The following YEATS2 variants were observed in gnomAD, a reference collection of about 807,000 sequenced individuals.
The protein encoded by YEATS2 is YEATS domain containing 2.
In YEATS2, 77 loss-of-function variants were observed where a neutral mutation model predicts 163.2. The observed-to-expected ratio is 0.47, with a 90% confidence interval of 0.39 to 0.57. The LOEUF (loss-of-function observed/expected upper bound fraction) is 0.57, where lower values mean the gene tolerates loss of function less well. YEATS2 is among the 20% of genes least tolerant of loss of function. The pLI is 0.00. For missense variants in YEATS2, 1,549 were observed against 1,729.8 expected (o/e 0.90, Z 1.85); for synonymous variants, 631 against 645.1 (o/e 0.98, Z 0.33).
chr3:183,772,008 T>C (rs1021980843), intron 15 of YEATS2, among the ~76,000 whole-genome samples: 1 of 152,172 alleles, frequency 6.6e-6, no homozygotes, highest in Admixed American at 6.5e-5. Flanking sequence ...ATTACAGGCA[T>C]GAGCCACCAC....
At chr3:183,768,814 A>T (rs1722170170) in intron 15 of YEATS2, among the ~76,000 whole-genome samples, 1 of 152,178 alleles carries the variant, frequency 6.6e-6, no homozygotes, top group Admixed American at 6.5e-5. Context: ...CTCTACTAAA[A>T]ATACAAAATT....
At chr3:183,795,961 CTT>C (rs1725105982) in intron 21 of YEATS2, among the ~76,000 whole-genome samples, 1 of 144,492 alleles carries the variant, frequency 6.9e-6, no homozygotes, top group African/African-American at 2.5e-5. Flanking sequence ...CTTAAAGTAT[CTT>C]TAGCTCTTGA....
chr3:183,709,301 G>A (rs1448998485), intron 1 of YEATS2, among the ~76,000 whole-genome samples: 1 of 151,974 alleles, frequency 6.6e-6, no homozygotes, highest in Non-Finnish European at 1.5e-5. Context: ...TGTTACTTAT[G>A]GAAAAAATCA....
chr3:183,774,763 G>A lies in YEATS2; in HGVS notation c.2368+969G>A, dbSNP rs866015582. Among the ~76,000 whole-genome samples the A allele has an allele frequency of 2.0e-5, 3 of 152,246 alleles. No individual in the cohort carries two copies. The South Asian group carries it at 6.2e-4, about 31-fold the overall frequency. Reference sequence around the variant, plus strand: ...GGAAGTTAACCGCCCTTGCCAAAATGCAGTGTGTCAGCTCATCATCCTTGC... The same window carrying A: ...GGAAGTTAACCGCCCTTGCCAAAATACAGTGTGTCAGCTCATCATCCTTGC... On this transcript the variant is annotated intron_variant, in intron 17 of 30. Transcript: ENST00000305135.
chr3:183,755,741 C>CTTTTTTTTTTTTTTTTTT (rs57050296), intron 11 of YEATS2, among the ~76,000 whole-genome samples: 11 of 82,204 alleles, frequency 1.3e-4, no homozygotes, highest in African/African-American at 4.8e-4. Context: ...TCCTTCCTTT[C>CTTTTTTTTTTTTTTTTTT]TTTTTTTTTT....
At chr3:183,754,426 C>A (rs1480652002) in intron 11 of YEATS2, 61 bp downstream of exon 11, 3 of 1,532,682 alleles carry the variant, frequency 2.0e-6, no homozygotes, top group East Asian at 2.3e-5. Flanking sequence ...ATTGTTGGAA[C>A]AACAAAACAA....
At position 183,762,215 on chromosome 3, in the gene YEATS2, C is replaced by A. The variant is rs780765883; in HGVS notation, c.1883C>A (p.Pro628His). The change falls in exon 15 of 31, where the codon CCT becomes CAT. Residue 628 changes from proline (P) to histidine (H), a missense_variant. Coordinates refer to ENST00000305135, the MANE Select transcript of YEATS2 (RefSeq NM_018023.5). The part of the protein sequence containing the change: ...VKGGHMIAVS[P>H]QKQVITPGEG... ...GGGGGTCACATGATAGCTGTGTCCC[C>A]TCAAAAACAGGTCATAACTCCTGGA... The A allele has an allele frequency of 1.9e-6, 3 of 1,613,880 alleles. No individual in the cohort carries two copies. The highest frequency in any genetic ancestry group is 1.7e-6 in the Non-Finnish European group (2 of 1,179,906).
At chr3:183,709,647 T>C (rs971518793) in intron 1 of YEATS2, among the ~76,000 whole-genome samples, 11 of 151,474 alleles carry the variant, frequency 7.3e-5, no homozygotes, top group African/African-American at 2.7e-4. Context: ...CATTTACTTT[T>C]TATAATGAGG....
chr3:183,752,851 G>T (rs574955276), intron 10 of YEATS2, among the ~76,000 whole-genome samples: 51 of 151,732 alleles, frequency 3.4e-4, no homozygotes, highest in African/African-American at 1.2e-3. Flanking sequence ...AGGCTGGAGT[G>T]CAGTGGCATG....
At chr3:183,750,107 A>C (rs1157049124) in intron 9 of YEATS2, among the ~76,000 whole-genome samples, 1 of 151,608 alleles carries the variant, frequency 6.6e-6, no homozygotes, top group Non-Finnish European at 1.5e-5. Flanking sequence ...TATAGGCATG[A>C]GCCACCGCGC....
chr3:183,809,149 A>G lies in YEATS2; in HGVS notation c.4139A>G (p.Tyr1380Cys), dbSNP rs763111551. The G allele has an allele frequency of 2.0e-5, 32 of 1,614,044 alleles. No homozygotes were observed. The highest frequency in any genetic ancestry group is 2.6e-5 in the Non-Finnish European group (31 of 1,180,016). ...CTGAGACAGGCTTTGGCAGTTGGAT[A>G]CCAGACAGCTTCTCACAACAGGTAT... ...DILRQALAVG[Y>C]QTASHNRIPK... The change falls in exon 30 of 31, where the codon TAC becomes TGC. Residue 1380 changes from tyrosine (Y) to cysteine (C), a missense_variant. Coordinates refer to ENST00000305135, the MANE Select transcript of YEATS2 (RefSeq NM_018023.5).
chr3:183,806,391 C>T (rs1329957396), intron 27 of YEATS2: 1 of 456,626 alleles, frequency 2.2e-6, no homozygotes. Flanking sequence ...GAGGTCCTCA[C>T]ACTCCTGATT....
intron 2 of YEATS2, among the ~76,000 whole-genome samples, chr3:183,717,431 A>G (rs1010317244): frequency 6.6e-5 from 10 of 152,204 alleles, no homozygotes; most frequent in African/African-American, 2.2e-4. Flanking sequence ...GGAATACCAT[A>G]GAATGGTGTC....
rs1449188215 is a variant in YEATS2 at position 183,739,038 on chromosome 3, A to G, written c.924+2209A>G. On this transcript the variant is annotated intron_variant, in intron 8 of 30. Transcript: ENST00000305135. ...CCACCAACAGTGTAAAAGTGTTCCT[A>G]TTTCTCCACATCCTCTCCAGCACCT... 5.9e-3 allele frequency among the ~76,000 whole-genome samples: 857 copies of G among 144,642 alleles called. 8 individuals carry two copies. The highest frequency in any genetic ancestry group is 0.021 in the African/African-American group (804 of 38,748). 94.9% of individuals were successfully genotyped at this position (144,642 alleles called of 152,430 possible). A position where few individuals can be genotyped will look rare whatever the true frequency, so the allele number is the denominator to read the frequency against.
chr3:183,762,378 G>C, intron 15 of YEATS2, 99 bp downstream of exon 15: 1 of 1,400,448 alleles, frequency 7.1e-7, no homozygotes, highest in Non-Finnish European at 9.5e-7. Context: ...CAGGGTTGAT[G>C]ATCCCATAAG....
At chr3:183,699,922 C>G (rs1713880884) in intron 1 of YEATS2, among the ~76,000 whole-genome samples, 1 of 152,026 alleles carries the variant, frequency 6.6e-6, no homozygotes, top group South Asian at 2.1e-4. Flanking sequence ...GAGGTGGGAA[C>G]CGGATGTGAG....
chr3:183,805,272 G>A (rs1021684083), intron 27 of YEATS2, among the ~76,000 whole-genome samples: 23 of 151,916 alleles, frequency 1.5e-4, no homozygotes, highest in Non-Finnish European at 2.1e-4. Flanking sequence ...GTGGTAGCTC[G>A]CCTGTAGTCC....
At chr3:183,760,701 G>GT (rs1194015385) in intron 13 of YEATS2, among the ~76,000 whole-genome samples, 1 of 152,136 alleles carries the variant, frequency 6.6e-6, no homozygotes, top group African/African-American at 2.4e-5. Context: ...TTGTTTGCTT[G>GT]TTTTTTAAGT....
intron 9 of YEATS2, 101 bp from the exon 10 acceptor site, chr3:183,751,972 G>T: frequency 7.6e-7 from 1 of 1,319,654 alleles, no homozygotes; most frequent in Non-Finnish European, 1.1e-6. Flanking sequence ...GTGATTAGAA[G>T]TTATCTCTCA....
Sources: allele counts gnomAD v4.1 joint callset (sites outside exome capture counted in the v4.1 genomes callset), GRCh38; gene constraint gnomAD v4.1.1; transcripts MANE v1.5; gene names NCBI Gene and HGNC (gene_info 2026-07-23, HGNC 2026-07-21).